PCLO: variants seen among roughly 807,000 people sequenced by gnomAD.
PCLO encodes the protein piccolo presynaptic cytomatrix protein, also known as protein piccolo.
A neutral mutation model predicts 427.5 loss-of-function variants in PCLO; 82 were observed. The ratio of observed to expected loss-of-function variants is 0.19; its 90% confidence interval spans 0.16 to 0.23. PCLO has a LOEUF of 0.23. Among genes scored for constraint, PCLO ranks in the 10% least tolerant of loss-of-function variants. The probability of loss-of-function intolerance (pLI) is 1.00; values close to 1 mark genes in which losing one functional copy is unlikely to be tolerated. For synonymous variants in PCLO, 2,357 were observed against 2,155.4 expected, an observed-to-expected ratio of 1.09 and a Z score of -2.59; for missense variants, 6,239 against 6,115.9, an observed-to-expected ratio of 1.02 and a Z score of -0.67.
intron 9 of PCLO, among the ~76,000 whole-genome samples, chr7:82,896,903 G>A (rs1793917547): frequency 2.0e-5 from 3 of 151,714 alleles, no homozygotes; most frequent in Non-Finnish European, 4.4e-5. Context: ...CCTTGCAGAT[G>A]TAGCCAGTCC....
At chr7:82,993,732 G>A (rs1796432941) in intron 3 of PCLO, among the ~76,000 whole-genome samples, 2 of 151,908 alleles carry the variant, frequency 1.3e-5, no homozygotes, top group South Asian at 4.1e-4. Context: ...TGCAATATTC[G>A]CTTTATTGTG....
rs754626048 is a variant in PCLO, at chr7:82,954,035, C to T, written c.6918G>A (p.Lys2306=). 14 of 1,613,772 alleles carry T rather than the reference C, an allele frequency of 8.7e-6. No individual in the cohort carries two copies. The highest frequency in any genetic ancestry group is 8.5e-7 in the Non-Finnish European group (1 of 1,179,840). The change falls in exon 5 of 25, where the codon AAG becomes AAA. Residue 2306 remains lysine, a synonymous_variant. Coordinates refer to ENST00000333891, the MANE Select transcript of PCLO (RefSeq NM_033026.6). ...CCAGAATGATTCCATTCCCAGTTTC[C>T]TTCTTGGCTTTCTTCACTGGGTCCT... The part of the protein sequence containing the change: ...SEKDPVKKAK[K]ETGNGIILEV...
At chr7:83,148,281 T>C (rs750606400) in intron 2 of PCLO, among the ~76,000 whole-genome samples, 3 of 152,036 alleles carry the variant, frequency 2.0e-5, no homozygotes, top group Non-Finnish European at 4.4e-5. Context: ...TAGAAGGGAG[T>C]GAGGGAACCC....
At position 82,950,971 on chromosome 7, in the gene PCLO, T is replaced by C; in HGVS notation, c.9617A>G (p.Glu3206Gly). The change falls in exon 6 of 25, where the codon GAA becomes GGA. Residue 3206 changes from glutamate to glycine, a missense_variant. Glu to Gly is a moderately conservative substitution (Grantham distance 98). Coordinates refer to ENST00000333891, the MANE Select transcript of PCLO (RefSeq NM_033026.6). ...TAGCTGCTGCTGTTGTTTATCTTCT[T>C]CAGGGACAATTAAAAGAGCACTTTC... is the stretch of plus-strand genomic sequence containing the variant. ...GDESALLIVP[E>G]EDKQQQQLDL... 1 of 1,613,700 alleles carries C rather than the reference T, an allele frequency of 6.2e-7. No individual in the cohort carries two copies. Among genetic ancestry groups the C allele is most frequent in the South Asian group, 1.1e-5 (1 of 91,090 alleles).
At chr7:82,817,206 A>C (rs1195412742) in intron 20 of PCLO, among the ~76,000 whole-genome samples, 1 of 152,182 alleles carries the variant, frequency 6.6e-6, no homozygotes, top group Admixed American at 6.6e-5. Context: ...ATGTCATTAC[A>C]GTTTGAATTT....
In PCLO at chr7:82,761,419, C is replaced by T. The variant is rs767860682; in HGVS notation, c.15082G>A (p.Val5028Ile). ...EMKTDGEQLI[V>I]EILQCRNITY... The stretch of plus-strand genomic sequence containing the variant: ...ATATTTCTGCATTGGAGAATTTCAA[C>T]TATTAGTTGTTCACCATCTGTCTTC... Residue 5028 changes from valine (V) to isoleucine (I), a missense_variant, in exon 23 of 25, where the codon GTT (valine) becomes ATT (isoleucine). Around this residue, in one of 5 missense-constraint regions of PCLO, gnomAD observed 877 missense variants for 925.5 expected, o/e 0.95. Transcript: ENST00000333891. 1 of 1,570,306 alleles carries T rather than the reference C, an allele frequency of 6.4e-7. No individual in the cohort carries two copies. Among genetic ancestry groups the T allele is most frequent in the Admixed American group, 1.7e-5 (1 of 58,498 alleles).
At position 83,155,386 on chromosome 7, in the gene PCLO, T is replaced by G. The variant is rs1356738557; in HGVS notation, c.1255A>C (p.Lys419Gln). ...KPPTQQVGTP[K>Q]PLAQQPGLQS... ...AGCCCAGGTTGTTGAGCTAGGGGTT[T>G]TGGTGTCCCCACCTGCTGGGTTGGA... Residue 419 changes from lysine (K) to glutamine (Q), a missense_variant, in exon 2 of 25, where the codon AAA becomes CAA. Around this residue, in one of 5 missense-constraint regions of PCLO, gnomAD observed 4,677 missense variants for 4,468.4 expected, o/e 1.05. Coordinates refer to ENST00000333891, the MANE Select transcript of PCLO (RefSeq NM_033026.6). 6.2e-7 allele frequency: 1 copy of G among 1,613,706 alleles called. No individual in the cohort carries two copies. Among genetic ancestry groups the G allele is most frequent in the East Asian group, 2.2e-5 (1 of 44,830 alleles).
chr7:82,794,918 T>C (rs1791194660), intron 22 of PCLO, among the ~76,000 whole-genome samples: 2 of 152,132 alleles, frequency 1.3e-5, no homozygotes, highest in South Asian at 4.1e-4. Context: ...CTCATTGCTT[T>C]TATTTTTGGT....
chr7:82,836,993 C>T (rs1370708247), intron 15 of PCLO, among the ~76,000 whole-genome samples: 11 of 152,034 alleles, frequency 7.2e-5, no homozygotes, highest in Non-Finnish European at 1.3e-4. Context: ...ATGTAATTTG[C>T]TATTGATGGG....
At chr7:82,931,348 G>C (rs1427509458) in intron 6 of PCLO, among the ~76,000 whole-genome samples, 1 of 152,120 alleles carries the variant, frequency 6.6e-6, no homozygotes, top group Non-Finnish European at 1.5e-5. Context: ...GATAGATTGT[G>C]TTAATTATCA....
chr7:82,765,036 C>T (rs1040503750), intron 22 of PCLO, among the ~76,000 whole-genome samples: 1 of 151,756 alleles, frequency 6.6e-6, no homozygotes, highest in African/African-American at 2.4e-5. Flanking sequence ...ACAAAGAAGA[C>T]ATTAGTGGGT....
chr7:82,857,890 T>C (rs1057155197), intron 10 of PCLO, among the ~76,000 whole-genome samples: 3 of 152,082 alleles, frequency 2.0e-5, no homozygotes, highest in Admixed American at 6.6e-5. Flanking sequence ...TAATACAACA[T>C]GGTCAATTGT....
intron 20 of PCLO, among the ~76,000 whole-genome samples, chr7:82,819,079 G>C (rs1791736497): frequency 6.6e-6 from 1 of 152,066 alleles, no homozygotes; most frequent in Admixed American, 6.6e-5. Flanking sequence ...TAACACTATA[G>C]TATGTTTGCC....
At chr7:82,939,662 G>T (rs2057886) in intron 6 of PCLO, among the ~76,000 whole-genome samples, 34,736 of 137,376 alleles carry the variant, frequency 0.25, 4,189 homozygotes, top group Middle Eastern at 0.33. Flanking sequence ...TATATATATA[G>T]AGAGAGAGAG....
intron 3 of PCLO, among the ~76,000 whole-genome samples, chr7:83,019,813 C>T (rs1408873437): frequency 1.3e-5 from 2 of 151,966 alleles, no homozygotes; most frequent in Non-Finnish European, 2.9e-5. Flanking sequence ...CTAGAGAATC[C>T]ATCAGACTCT....
intron 3 of PCLO, among the ~76,000 whole-genome samples, chr7:83,119,965 G>T (rs542993870): frequency 2.0e-5 from 3 of 151,654 alleles, no homozygotes; most frequent in African/African-American, 2.4e-5. Flanking sequence ...TGAGCATGAG[G>T]ACAGACTATA....
chr7:83,162,786 T>C lies in PCLO; in HGVS notation c.-194A>G, dbSNP rs955879537. ...AGTCCCGCTCGCAGGTAACGCCCGC[T>C]GCCGGTGCCTCCTCCATGTTGGACA... is the stretch of plus-strand genomic sequence containing the variant. On this transcript the variant is annotated 5_prime_UTR_variant, in exon 1 of 25. Transcript: ENST00000333891. The C allele has an allele frequency of 1.7e-5, 11 of 660,210 alleles. No individual in the cohort carries two copies. Among genetic ancestry groups the C allele is most frequent in the Non-Finnish European group, 2.5e-5 (10 of 403,008 alleles). 40.9% of individuals were successfully genotyped at this position (660,210 alleles called of 1,614,324 possible). A position where few individuals can be genotyped will look rare whatever the true frequency, so the allele number is the denominator to read the frequency against.
chr7:82,830,281 A>C (rs13226019), intron 16 of PCLO, among the ~76,000 whole-genome samples: 1 of 151,928 alleles, frequency 6.6e-6, no homozygotes, highest in Non-Finnish European at 1.5e-5. Flanking sequence ...TTATAATGAA[A>C]AATTCAAAAA....
At chr7:82,925,635 A>G (rs1274965553) in intron 6 of PCLO, among the ~76,000 whole-genome samples, 1 of 150,072 alleles carries the variant, frequency 6.7e-6, no homozygotes, top group Non-Finnish European at 1.5e-5. Context: ...CCATCCCTCT[A>G]TCCTCTGCTT....
Sources: gnomAD v4.1 joint callset for allele counts (sites outside exome capture counted in the v4.1 genomes callset) on GRCh38, gnomAD v4.1.1 for gene constraint, gnomAD v4.1.1 regional missense constraint, MANE v1.5 for transcripts, NCBI Gene and HGNC (gene_info 2026-07-23, HGNC 2026-07-21) for gene names.